PLEC: variants seen among roughly 807,000 people sequenced by gnomAD.
PLEC encodes hemidesmosomal protein 1.
Under a neutral mutation model 392.8 loss-of-function variants are expected in PLEC, and 216 were observed. The observed-to-expected ratio is 0.55, with a 90% CI of 0.49 to 0.62. The LOEUF (loss-of-function observed/expected upper bound fraction) is 0.62, where lower values mean the gene tolerates loss of function less well. Ranked by LOEUF, PLEC falls within the 20% of genes least tolerant of loss-of-function variation. The pLI is 0.00. For synonymous variants in PLEC, 3,621 were observed against 2,980.6 expected (o/e 1.21, Z -7.00); for missense variants, 6,863 against 6,563.4 (o/e 1.05, Z -1.58).
At position 143,920,430 on chromosome 8, in the gene PLEC, G is replaced by C; in HGVS notation, c.9391C>G (p.Leu3131Val). 3 of 1,597,966 alleles carry C rather than the reference G, an allele frequency of 1.9e-6. No homozygotes were observed. Among genetic ancestry groups the C allele is most frequent in the Non-Finnish European group, 2.6e-6 (3 of 1,174,504 alleles). ...KKGLIPREQG[L>V]RLLDAQLSTG... is the part of the protein sequence containing the mutation. ...GACAGCTGGGCGTCCAACAGGCGCA[G>C]GCCCTGCTCCCGGGGAATGAGGCCC... Residue 3131 changes from leucine to valine, a missense_variant, in exon 32 of 32, where the codon CTG (leucine) becomes GTG (valine). Coordinates refer to ENST00000345136, the MANE Select transcript of PLEC (RefSeq NM_201384.3).
rs367665604 is a variant in PLEC at position 143,921,823 on chromosome 8, C to T, written c.7998G>A (p.Ala2666=). ...QRLQEAGILS[A]EELQRLAQGH... Reference sequence around the variant, plus strand: ...CCTGCGCCAACCGCTGCAGCTCCTCCGCACTCAGGATGCCGGCCTCCTGCA... The same window carrying T: ...CCTGCGCCAACCGCTGCAGCTCCTCTGCACTCAGGATGCCGGCCTCCTGCA... Residue 2666 remains alanine, a synonymous_variant, in exon 32 of 32, where the codon GCG becomes GCA. Transcript: ENST00000345136. 81 of 1,607,766 alleles carry T rather than the reference C, an allele frequency of 5.0e-5. No homozygotes were observed. Among genetic ancestry groups the T allele is most frequent in the East Asian group, 1.3e-4 (6 of 44,890 alleles).
rs1833255545 is a variant in PLEC, at chr8:143,968,786, A to G, written c.70+4617T>C. Reference sequence around the variant, plus strand: ...TTAGCCATCAGGAAATGCAAATCAAACCACAATGAGATTCCACTCGACACC... The same window carrying G: ...TTAGCCATCAGGAAATGCAAATCAAGCCACAATGAGATTCCACTCGACACC... On this transcript the variant is annotated intron_variant, in intron 1 of 31. Coordinates refer to the PLEC transcript ENST00000356346. 1.3e-5 allele frequency among the ~76,000 whole-genome samples: 2 copies of G among 152,172 alleles called. 1 individual carries two copies. The highest frequency in any genetic ancestry group is 4.1e-4 in the South Asian group (2 of 4,832).
chr8:143,961,405 T>C (rs1212439706), intron 1 of PLEC, among the ~76,000 whole-genome samples: 1 of 152,192 alleles, frequency 6.6e-6, no homozygotes, highest in Non-Finnish European at 1.5e-5. Flanking sequence ...TTTGTATTTT[T>C]AGTAGAGACA....
chr8:143,936,949 G>A, intron 5 of PLEC, 30 bp downstream of exon 5: 1 of 1,531,740 alleles, frequency 6.5e-7, no homozygotes, highest in Non-Finnish European at 9.0e-7. Context: ...CTCCTGCAGG[G>A]GGTGGGGGTC....
At position 143,924,085 on chromosome 8, in the gene PLEC, C is replaced by A; in HGVS notation, c.5844G>T (p.Leu1948=). The A allele has an allele frequency of 6.3e-7, 1 of 1,597,996 alleles. No individual in the cohort carries two copies. The highest frequency in any genetic ancestry group is 2.2e-5 in the East Asian group (1 of 44,752). ...CCTCCGCGTTGCTGCGGATGCGTCCCAGCTCCAGCTCCAGCTCCGCCTTGC... is the reference window on the plus strand; with the variant it reads ...CCTCCGCGTTGCTGCGGATGCGTCCAAGCTCCAGCTCCAGCTCCGCCTTGC... ...AAGKAELELE[L]GRIRSNAEDT... is the part of the protein sequence containing the mutation. The change falls in exon 31 of 32, where the codon CTG becomes CTT. Residue 1948 remains leucine, a synonymous_variant. Coordinates refer to ENST00000345136, the MANE Select transcript of PLEC (RefSeq NM_201384.3).
chr8:143,959,317 C>T (rs1832754581), intron 1 of PLEC, among the ~76,000 whole-genome samples: 1 of 152,186 alleles, frequency 6.6e-6, no homozygotes, highest in African/African-American at 2.4e-5. Context: ...TTTCTTTAGG[C>T]CAGTAATAAC....
At chr8:143,939,648 G>GC (rs1830052966), upstream of PLEC, 12 of 1,417,014 alleles carry the variant, frequency 8.5e-6, no homozygotes, top group Non-Finnish European at 1.1e-5. Flanking sequence ...AGGCCGGCCC[G>GC]CCCCCGAGGC....
rs782124502 is a variant in PLEC, at chr8:143,933,989, C to CTGCTG, written c.1263+8_1263+9insCAGCA. 2.8e-3 allele frequency: 4,487 copies of CTGCTG among 1,606,018 alleles called. 114 individuals carry two copies. In the African/African-American group the frequency reaches 0.054, roughly 19 times the overall value. ...CCTCCCGCCCACTGCCTGCCCCACACCCCCTCACCGACTGCAGCAGGGCGT... is the reference window on the plus strand; with the variant it reads ...CCTCCCGCCCACTGCCTGCCCCACACTGCTGCCCCTCACCGACTGCAGCAGGGCGT... On this transcript the variant is annotated intron_variant, in intron 12 of 31. Transcript: ENST00000345136.
Position 143,934,684 on chromosome 8 carries a change from G to A in PLEC, c.992C>T (p.Ala331Val). ...GGACCTGTTCTTGTCGGCCTCCTTG[G>A]CTGGTAGCTCCATCTCCTTAAACTT... The part of the protein sequence containing the change: ...FLKFKEMELP[A>V]KEADKNRSKG... Residue 331 changes from alanine to valine, a missense_variant, in exon 10 of 32, where the codon GCC becomes GTC. Physicochemically the swap from Ala to Val is moderately conservative, Grantham distance 64 (BLOSUM62 0). Coordinates refer to ENST00000345136, the MANE Select transcript of PLEC (RefSeq NM_201384.3). The A allele has an allele frequency of 1.9e-6, 3 of 1,612,984 alleles. No individual in the cohort carries two copies. The highest frequency in any genetic ancestry group is 1.1e-5 in the South Asian group (1 of 91,090).
At position 143,921,121 on chromosome 8, in the gene PLEC, C is replaced by T; in HGVS notation, c.8700G>A (p.Glu2900=). Residue 2900 remains glutamate, a synonymous_variant, in exon 32 of 32, where the codon GAG becomes GAA. Transcript: ENST00000345136. ...KGGELVYTDS[E]ARDVFEKATV... ...TGGCCTTCTCAAAGACGTCCCGGGC[C>T]TCGGAGTCAGTGTAGACCAGCTCCC... The T allele has an allele frequency of 6.2e-7, 1 of 1,612,846 alleles. No individual in the cohort carries two copies. The highest frequency in any genetic ancestry group is 8.5e-7 in the Non-Finnish European group (1 of 1,180,044).
rs782172883 is a variant in PLEC at position 143,932,520 on chromosome 8, G to T, written c.1857C>A (p.His619Gln). 8 of 1,612,548 alleles carry T rather than the reference G, an allele frequency of 5.0e-6. No homozygotes were observed. Among genetic ancestry groups the T allele is most frequent in the Non-Finnish European group, 6.8e-6 (8 of 1,179,968 alleles). The change falls in exon 16 of 32, where the codon CAC (histidine) becomes CAA (glutamine). Residue 619 changes from histidine to glutamine, a missense_variant. By Grantham distance (24) the His-to-Gln change is conservative. Coordinates refer to ENST00000345136, the MANE Select transcript of PLEC (RefSeq NM_201384.3). Reference sequence around the variant, plus strand: ...CCTTAGTGGCGGCTGCCACAAAGCTGTGCAAGCTCTCCAGGGACCTGAGGC... The same window carrying T: ...CCTTAGTGGCGGCTGCCACAAAGCTTTGCAAGCTCTCCAGGGACCTGAGGC... ...KARLRSLESL[H>Q]SFVAAATKEL...
Position 143,972,662 on chromosome 8 carries a change from C to T in PLEC, c.70+741G>A, listed in dbSNP as rs559239069. ...CCCTTGCTCCTAAGCCTCTGCAGGC[C>T]GGCAGCCAATGCTGTGTCCACAACC... On this transcript the variant is annotated intron_variant, in intron 1 of 31. Transcript: ENST00000356346. 8.5e-5 allele frequency among the ~76,000 whole-genome samples: 13 copies of T among 152,344 alleles called. 1 individual carries two copies. In the South Asian group the frequency reaches 2.1e-3, roughly 24 times the overall value.
upstream of PLEC, chr8:143,942,538 G>T: frequency 2.6e-6 from 4 of 1,549,734 alleles, no homozygotes; most frequent in Non-Finnish European, 3.5e-6. Flanking sequence ...CGGAGCCCTG[G>T]TTCGGCCCAC....
rs782312793 is a variant in PLEC at position 143,924,297 on chromosome 8, G to T, written c.5632C>A (p.Arg1878=). Reference sequence around the variant, plus strand: ...TGCGCGGCCTGCTCCTCCAGCCGCCGCCGCTGGAAGGCCTCGTCCTCCGCC... The same window carrying T: ...TGCGCGGCCTGCTCCTCCAGCCGCCTCCGCTGGAAGGCCTCGTCCTCCGCC... ...RLAEDEAFQR[R]RLEEQAAQHK... is the part of the protein sequence containing the mutation. Residue 1878 remains arginine (R), a synonymous_variant, in exon 31 of 32, where the codon CGG becomes AGG. Transcript: ENST00000345136. 1 of 1,594,368 alleles carries T rather than the reference G, an allele frequency of 6.3e-7. No homozygotes were observed. Among genetic ancestry groups the T allele is most frequent in the East Asian group, 2.2e-5 (1 of 44,540 alleles).
chr8:143,939,223 G>T, intron 1 of PLEC, 127 bp downstream of exon 1: 2 of 1,299,578 alleles, frequency 1.5e-6, no homozygotes, highest in Non-Finnish European at 2.1e-6. Context: ...GGGATGGCTG[G>T]CCCCCGACCC....
At chr8:143,938,842 C>T (rs1164853254) in intron 1 of PLEC, 150 bp from the exon 2 acceptor site, 3 of 729,116 alleles carry the variant, frequency 4.1e-6, no homozygotes, top group Non-Finnish European at 4.9e-6. Context: ...GACCCAGGCG[C>T]CCTCACCCGC....
At chr8:143,951,056 C>T (rs1832096440), upstream of PLEC, among the ~76,000 whole-genome samples, 3 of 152,192 alleles carry the variant, frequency 2.0e-5, no homozygotes, top group South Asian at 6.2e-4. Context: ...AGCGGCCACC[C>T]CCACAGCTGC....
chr8:143,963,566 G>A (rs1554741410), intron 1 of PLEC, among the ~76,000 whole-genome samples: 3 of 152,172 alleles, frequency 2.0e-5, no homozygotes, highest in Non-Finnish European at 4.4e-5. Context: ...AGTTTTACAA[G>A]TAAAAAGATG....
chr8:143,949,064 G>A (rs1831826578), intron 1 of PLEC, among the ~76,000 whole-genome samples: 1 of 152,214 alleles, frequency 6.6e-6, no homozygotes, highest in Admixed American at 6.5e-5. Flanking sequence ...CAGCCTCACT[G>A]ATCCTCCCAG....
Sources: allele counts gnomAD v4.1 joint callset (sites outside exome capture counted in the v4.1 genomes callset), GRCh38; gene constraint gnomAD v4.1.1; transcripts MANE v1.5; gene names NCBI Gene and HGNC (gene_info 2026-07-23, HGNC 2026-07-21).